Variants in EVI5 observed in about 807,000 individuals in gnomAD.
EVI5 encodes the protein ecotropic viral integration site 5.
EVI5 carries 73 observed loss-of-function variants against 112.0 expected under a neutral mutation model. That is an observed-to-expected ratio of 0.65 (90% confidence interval 0.54 to 0.79). The LOEUF is 0.79. Among genes scored for constraint, EVI5 ranks in the 30% least tolerant of loss-of-function variants. The pLI is 0.00. For missense variants in EVI5, 900 were observed against 968.8 expected (o/e 0.93, Z 0.94); for synonymous variants, 305 against 319.9 (o/e 0.95, Z 0.50).
At chr1:92,639,091 G>C (rs936447636) in intron 13 of EVI5, among the ~76,000 whole-genome samples, 14 of 152,094 alleles carry the variant, frequency 9.2e-5, no homozygotes, top group Admixed American at 2.6e-4. Context: ...GCATAGAAAT[G>C]ACAGATGACT....
At chr1:92,538,259 G>A (rs749585293) in intron 19 of EVI5, among the ~76,000 whole-genome samples, 8 of 152,148 alleles carry the variant, frequency 5.3e-5, no homozygotes, top group African/African-American at 1.7e-4. Flanking sequence ...ATGAGGCTAC[G>A]AATATGTGAG....
At chr1:92,580,270 A>G (rs1476320983) in intron 18 of EVI5, among the ~76,000 whole-genome samples, 2 of 152,226 alleles carry the variant, frequency 1.3e-5, no homozygotes, top group Non-Finnish European at 2.9e-5. Context: ...TGCTATTCCA[A>G]TAATGTTGTA....
upstream of EVI5, among the ~76,000 whole-genome samples, chr1:92,788,113 T>C (rs1244867309): frequency 1.3e-5 from 2 of 152,128 alleles, no homozygotes; most frequent in African/African-American, 4.8e-5. Flanking sequence ...TACATAGGTA[T>C]ATTCACTTAT....
chr1:92,750,055 A>G (rs1679935877), intron 1 of EVI5, among the ~76,000 whole-genome samples: 1 of 152,268 alleles, frequency 6.6e-6, no homozygotes, highest in Non-Finnish European at 1.5e-5. Flanking sequence ...TATCAAATAC[A>G]GAATATATAA....
At chr1:92,745,707 C>T (rs1455525440) in intron 1 of EVI5, among the ~76,000 whole-genome samples, 1 of 151,890 alleles carries the variant, frequency 6.6e-6, no homozygotes, top group African/African-American at 2.4e-5. Flanking sequence ...CTTGTGAGGC[C>T]GAGGTGGAGG....
chr1:92,782,488 G>A (rs931326801), intron 1 of EVI5, among the ~76,000 whole-genome samples: 10 of 152,196 alleles, frequency 6.6e-5, no homozygotes, highest in East Asian at 5.8e-4. Context: ...TTCACAAGAG[G>A]AAATATAAAT....
At chr1:92,565,672 A>G (rs528977024) in intron 18 of EVI5, among the ~76,000 whole-genome samples, 1 of 152,028 alleles carries the variant, frequency 6.6e-6, no homozygotes, top group Non-Finnish European at 1.5e-5. Flanking sequence ...ACCAAATAGA[A>G]CTGTTCTAGC....
At chr1:92,620,999 T>A (rs1654437262) in intron 16 of EVI5, among the ~76,000 whole-genome samples, 1 of 152,076 alleles carries the variant, frequency 6.6e-6, no homozygotes, top group Non-Finnish European at 1.5e-5. Flanking sequence ...AAGTGTATAG[T>A]TATTTATTCA....
chr1:92,680,735 T>C lies in EVI5; in HGVS notation c.1098-3517A>G, dbSNP rs149648405. The stretch of plus-strand genomic sequence containing the variant: ...TTACCAGTTCTGAGAGAAAGTAATA[T>C]CATATATATCGTATGGTGAAATGAG... On this transcript the variant is annotated intron_variant, in intron 9 of 19. Transcript: ENST00000684568. Among the ~76,000 whole-genome samples the C allele has an allele frequency of 9.2e-5, 14 of 152,210 alleles. No homozygotes were observed. The East Asian group carries it at 2.5e-3, about 27-fold the overall frequency.
intron 1 of EVI5, among the ~76,000 whole-genome samples, chr1:92,783,258 G>A (rs1685094576): frequency 1.3e-5 from 2 of 152,046 alleles, no homozygotes; most frequent in East Asian, 1.9e-4. Flanking sequence ...AGGTGCGCTG[G>A]CTCACGCCTG....
intron 9 of EVI5, among the ~76,000 whole-genome samples, chr1:92,685,735 G>T (rs1454710571): frequency 1.3e-5 from 2 of 152,134 alleles, no homozygotes; most frequent in Non-Finnish European, 2.9e-5. Context: ...CGATCCCACA[G>T]AAATAAACAA....
intron 1 of EVI5, among the ~76,000 whole-genome samples, chr1:92,759,456 T>C (rs1021312649): frequency 1.3e-4 from 20 of 152,184 alleles, no homozygotes; most frequent in Admixed American, 6.5e-5. Context: ...TCAAACAGAC[T>C]TTTTTTAAAA....
chr1:92,534,356 C>T (rs902722540), intron 19 of EVI5, among the ~76,000 whole-genome samples: 1 of 152,112 alleles, frequency 6.6e-6, no homozygotes, highest in African/African-American at 2.4e-5. Flanking sequence ...CCATACTGCC[C>T]AAAGTAATTT....
rs879800077 is a variant in EVI5 at position 92,586,733 on chromosome 1, CT to C, written c.2070+18573del. ...GTCCCCGTCCTAGAATCAGCCATTT[CT>C]TTTTTTTTTTAATTTTATTATTATT... On this transcript the variant is annotated intron_variant, in intron 18 of 19. Transcript: ENST00000684568. Among the ~76,000 whole-genome samples the C allele has an allele frequency of 6.1e-3, 836 of 138,010 alleles. 6 individuals carry two copies. The highest frequency in any genetic ancestry group is 0.015 in the Middle Eastern group (4 of 268). The allele number at this position is 138,010 out of a possible 152,430, so 90.5% of individuals were successfully genotyped here. A position where few individuals can be genotyped will look rare whatever the true frequency, so the allele number is the denominator to read the frequency against.
chr1:92,737,184 G>T (rs545640377), intron 1 of EVI5, among the ~76,000 whole-genome samples: 1 of 152,066 alleles, frequency 6.6e-6, no homozygotes, highest in South Asian at 2.1e-4. Context: ...CCACTAAAGA[G>T]TGTTGTTATA....
intron 13 of EVI5, among the ~76,000 whole-genome samples, chr1:92,644,123 T>C (rs1205322618): frequency 1.4e-4 from 21 of 152,170 alleles, no homozygotes; most frequent in Non-Finnish European, 2.6e-4. Context: ...GTGGCAAACA[T>C]GAAATCATAG....
intron 2 of EVI5, among the ~76,000 whole-genome samples, chr1:92,709,895 A>G (rs908454793): frequency 6.6e-6 from 1 of 151,982 alleles, no homozygotes. Flanking sequence ...GTAGTCTGGC[A>G]TGGTGGGGGA....
In EVI5 at chr1:92,663,398, TAAAAC is replaced by T; in HGVS notation, c.1245+17_1245+21del. ...AGTTAGAGAAGATGTTTTAAAAAAC[TAAAAC>T]AAAACAAAAACTATACCTGTATCAA... On this transcript the variant is annotated intron_variant, in intron 12 of 19. Coordinates refer to ENST00000684568, the MANE Select transcript of EVI5 (RefSeq NM_001350197.2). The T allele has an allele frequency of 7.4e-7, 1 of 1,344,086 alleles. No homozygotes were observed. The highest frequency in any genetic ancestry group is 9.9e-7 in the Non-Finnish European group (1 of 1,007,854). 83.3% of individuals were successfully genotyped at this position (1,344,086 alleles called of 1,614,324 possible). A position where few individuals can be genotyped will look rare whatever the true frequency, so the allele number is the denominator to read the frequency against.
chr1:92,754,931 G>A (rs1331181679), intron 1 of EVI5, among the ~76,000 whole-genome samples: 1 of 152,096 alleles, frequency 6.6e-6, no homozygotes, highest in Non-Finnish European at 1.5e-5. Context: ...TAATGAAAAT[G>A]TAAAAGGGCA....
Sources: allele counts gnomAD v4.1 joint callset (sites outside exome capture counted in the v4.1 genomes callset), GRCh38; gene constraint gnomAD v4.1.1; transcripts MANE v1.5; gene names NCBI Gene and HGNC (gene_info 2026-07-23, HGNC 2026-07-21).